Variants in ELOVL2 observed in about 807,000 individuals in gnomAD.
The protein encoded by ELOVL2 is ELOVL fatty acid elongase 2, also known as very long chain fatty acid elongase 2.
Under a neutral mutation model 37.7 loss-of-function variants are expected in ELOVL2, and 38 were observed. The observed-to-expected ratio is 1.01, with a 90% CI of 0.78 to 1.32. The LOEUF is 1.32. Among genes scored for constraint, ELOVL2 ranks in the 40% most tolerant of loss-of-function variants. The pLI is 0.00. For synonymous variants in ELOVL2, 115 were observed against 122.3 expected (o/e 0.94, Z 0.40); for missense variants, 352 against 363.6 (o/e 0.97, Z 0.26).
chr6:11,030,099 T>C (rs919603197), intron 1 of ELOVL2, among the ~76,000 whole-genome samples: 1 of 152,056 alleles, frequency 6.6e-6, no homozygotes, highest in African/African-American at 2.4e-5. Context: ...ATTCTCTCTC[T>C]TTCCACACAT....
chr6:10,996,997 T>C (rs1782282222), intron 4 of ELOVL2, among the ~76,000 whole-genome samples: 1 of 151,992 alleles, frequency 6.6e-6, no homozygotes, highest in African/African-American at 2.4e-5. Flanking sequence ...GCAACAAGAG[T>C]GAAACTCTGT....
chr6:11,007,260 G>C (rs1481863861), intron 2 of ELOVL2, among the ~76,000 whole-genome samples: 2 of 152,212 alleles, frequency 1.3e-5, no homozygotes, highest in African/African-American at 4.8e-5. Flanking sequence ...CTAACTCCTG[G>C]TATCTGTGAA....
At chr6:10,985,870 T>C (rs1268936439) in intron 7 of ELOVL2, among the ~76,000 whole-genome samples, 1 of 152,176 alleles carries the variant, frequency 6.6e-6, no homozygotes. Context: ...AGTAGTTTTT[T>C]CCAATTCTGT....
At chr6:11,041,766 C>T (rs1044065732) in intron 1 of ELOVL2, among the ~76,000 whole-genome samples, 2 of 151,994 alleles carry the variant, frequency 1.3e-5, no homozygotes, top group Non-Finnish European at 2.9e-5. Context: ...AATTTGTTTC[C>T]AATTAATACA....
intron 3 of ELOVL2, among the ~76,000 whole-genome samples, chr6:11,003,743 C>T (rs1043049058): frequency 1.4e-4 from 22 of 152,086 alleles, no homozygotes; most frequent in Non-Finnish European, 1.2e-4. Context: ...TAAAAATGGT[C>T]CTTTCAGTGT....
intron 3 of ELOVL2, among the ~76,000 whole-genome samples, chr6:11,004,078 G>C (rs1214181752): frequency 6.8e-6 from 1 of 147,916 alleles, no homozygotes; most frequent in Non-Finnish European, 1.5e-5. Context: ...GCAAGACTCT[G>C]CCTCAAAAAA....
chr6:10,981,394 T>C lies in ELOVL2; in HGVS notation c.*2387A>G, dbSNP rs1561708844. ...TTAACGACAGGTTAAAATGTTTACC[T>C]GATTTATTTTTTGTGGCTAAGATTT... is the stretch of plus-strand genomic sequence containing the variant. On this transcript the variant is annotated 3_prime_UTR_variant, in exon 8 of 8. Coordinates refer to ENST00000354666, the MANE Select transcript of ELOVL2 (RefSeq NM_017770.4). The C allele has an allele frequency of 1.3e-5, 2 of 152,670 alleles. No homozygotes were observed. Among genetic ancestry groups the C allele is most frequent in the Non-Finnish European group, 2.9e-5 (2 of 68,034 alleles). 9.5% of individuals were successfully genotyped at this position (152,670 alleles called of 1,614,324 possible). A position where few individuals can be genotyped will look rare whatever the true frequency, so the allele number is the denominator to read the frequency against.
intron 1 of ELOVL2, among the ~76,000 whole-genome samples, chr6:11,034,537 G>C (rs1406142508): frequency 6.6e-6 from 1 of 151,454 alleles, no homozygotes; most frequent in Admixed American, 6.6e-5. Flanking sequence ...ACAAAAATTA[G>C]CCGGGCATGG....
intron 1 of ELOVL2, among the ~76,000 whole-genome samples, chr6:11,033,357 T>C (rs1213662516): frequency 6.6e-6 from 1 of 152,208 alleles, no homozygotes; most frequent in Non-Finnish European, 1.5e-5. Flanking sequence ...CTGATGTATT[T>C]AGGATTTTCA....
rs1214875056 is a variant in ELOVL2, at chr6:10,981,011, C to T, written c.*2770G>A. Reference sequence around the variant, plus strand: ...CCTAGATACAAAAGGCTGTTCTGCCCATCACAGTAAACACTGTTTTGCCTT... The same window carrying T: ...CCTAGATACAAAAGGCTGTTCTGCCTATCACAGTAAACACTGTTTTGCCTT... On this transcript the variant is annotated 3_prime_UTR_variant, in exon 8 of 8. Coordinates refer to ENST00000354666, the MANE Select transcript of ELOVL2 (RefSeq NM_017770.4). 1 of 152,302 alleles carries T rather than the reference C, an allele frequency of 6.6e-6. No individual in the cohort carries two copies. Among genetic ancestry groups the T allele is most frequent in the Non-Finnish European group, 1.5e-5 (1 of 68,036 alleles). The allele number at this position is 152,302 out of a possible 1,614,324, so 9.4% of individuals were successfully genotyped here.
intron 1 of ELOVL2, among the ~76,000 whole-genome samples, chr6:11,025,220 T>C (rs1418324025): frequency 6.6e-6 from 1 of 152,120 alleles, no homozygotes; most frequent in East Asian, 1.9e-4. Flanking sequence ...GGGTTCCCAC[T>C]CTCCATCCAC....
chr6:10,984,883 G>T (rs1375643023), intron 7 of ELOVL2, among the ~76,000 whole-genome samples: 2 of 152,122 alleles, frequency 1.3e-5, no homozygotes, highest in Non-Finnish European at 2.9e-5. Context: ...CCCAGTGATG[G>T]GATGGCTGGG....
At chr6:10,998,536 T>G (rs1234212906) in intron 4 of ELOVL2, among the ~76,000 whole-genome samples, 1 of 152,238 alleles carries the variant, frequency 6.6e-6, no homozygotes, top group Non-Finnish European at 1.5e-5. Flanking sequence ...TCACAGTTTT[T>G]TACATATTTA....
intron 1 of ELOVL2, among the ~76,000 whole-genome samples, chr6:11,025,090 G>A (rs372548696): frequency 1.3e-5 from 2 of 152,090 alleles, no homozygotes; most frequent in Non-Finnish European, 2.9e-5. Flanking sequence ...TAGGGGCAAC[G>A]GCGTAATCTC....
chr6:10,989,093 A>G (rs1372497567), intron 7 of ELOVL2, among the ~76,000 whole-genome samples: 1 of 152,254 alleles, frequency 6.6e-6, no homozygotes, highest in Non-Finnish European at 1.5e-5. Flanking sequence ...AGACTTTGGT[A>G]GCATGGTACA....
chr6:11,005,303 G>T, intron 3 of ELOVL2, 69 bp downstream of exon 3: 1 of 1,375,700 alleles, frequency 7.3e-7, no homozygotes, highest in Non-Finnish European at 1.0e-6. Flanking sequence ...TGCCAGGCTA[G>T]ATGTGGTTGT....
chr6:11,036,332 G>A (rs1783004781), intron 1 of ELOVL2, among the ~76,000 whole-genome samples: 1 of 152,170 alleles, frequency 6.6e-6, no homozygotes, highest in African/African-American at 2.4e-5. Flanking sequence ...AGTGAAGCCA[G>A]TGTGGTTGCT....
intron 4 of ELOVL2, among the ~76,000 whole-genome samples, chr6:10,996,883 G>A (rs897818119): frequency 3.3e-5 from 5 of 151,726 alleles, no homozygotes; most frequent in South Asian, 2.1e-4. Flanking sequence ...GGTGGCGGGT[G>A]CCTGTAATCC....
chr6:11,006,810 G>C (rs972241938), intron 2 of ELOVL2, among the ~76,000 whole-genome samples: 1 of 152,222 alleles, frequency 6.6e-6, no homozygotes, highest in Non-Finnish European at 1.5e-5. Context: ...CCTGTCATAA[G>C]TCTGTGCTGT....
Sources: allele counts gnomAD v4.1 joint callset (sites outside exome capture counted in the v4.1 genomes callset), GRCh38; gene constraint gnomAD v4.1.1; transcripts MANE v1.5; gene names NCBI Gene and HGNC (gene_info 2026-07-23, HGNC 2026-07-21).